Variants in TRAPPC9 observed in about 807,000 individuals in gnomAD.
The protein encoded by TRAPPC9 is trafficking protein particle complex subunit 9.
Under a neutral mutation model 124.0 loss-of-function variants are expected in TRAPPC9, and 83 were observed. The ratio of observed to expected loss-of-function variants is 0.67; its 90% CI spans 0.56 to 0.80. The LOEUF is 0.80. Ranked by LOEUF, TRAPPC9 falls within the 30% of genes least tolerant of loss-of-function variation. TRAPPC9 has a pLI of 0.00. For missense variants in TRAPPC9, 1,302 were observed against 1,508.3 expected (o/e 0.86, Z 2.27); for synonymous variants, 638 against 617.5 (o/e 1.03, Z -0.49).
At chr8:140,169,807 T>C (rs550870343) in intron 17 of TRAPPC9, among the ~76,000 whole-genome samples, 23 of 151,916 alleles carry the variant, frequency 1.5e-4, no homozygotes, top group Non-Finnish European at 2.9e-4. Flanking sequence ...TCCTTTTCGG[T>C]TGAAGCTGTA....
rs188813747 is a variant in TRAPPC9 at position 140,156,348 on chromosome 8, T to G, written c.2556+65111A>C. Among the ~76,000 whole-genome samples, 21 of 152,314 alleles carry G rather than the reference T, an allele frequency of 1.4e-4. No homozygotes were observed. In the East Asian group the frequency reaches 1.5e-3, roughly 11 times the overall value. ...ATCATTTAACATCTTAAAGCCTCAG[T>G]TTCTGCTCTGAAAAGTGAAAATAAT... On this transcript the variant is annotated intron_variant, in intron 17 of 22. Transcript: ENST00000438773.
At chr8:140,132,554 T>C (rs1252548872) in intron 17 of TRAPPC9, among the ~76,000 whole-genome samples, 1 of 152,134 alleles carries the variant, frequency 6.6e-6, no homozygotes, top group African/African-American at 2.4e-5. Context: ...AACGCAGAGC[T>C]TGACACAAAC....
At position 139,749,323 on chromosome 8, in the gene TRAPPC9, C is replaced by T. The variant is rs371956809; in HGVS notation, c.3056-17121G>A. ...TCCTGAGCTCCTGGGGGACCTCTGC[C>T]ATATGAATGGACAGACGATAAGATG... is the stretch of plus-strand genomic sequence containing the variant. On this transcript the variant is annotated intron_variant, in intron 21 of 22. Transcript: ENST00000438773. Among the ~76,000 whole-genome samples the T allele has an allele frequency of 2.6e-4, 40 of 152,302 alleles. No individual in the cohort carries two copies. In the East Asian group the frequency reaches 7.5e-3, roughly 29 times the overall value.
At chr8:140,051,744 C>G (rs73725378) in intron 17 of TRAPPC9, among the ~76,000 whole-genome samples, 3 of 152,020 alleles carry the variant, frequency 2.0e-5, no homozygotes, top group South Asian at 4.2e-4. Flanking sequence ...GCTGCTCCCC[C>G]ACGTAGGACA....
chr8:140,173,867 T>C (rs1016818625), intron 17 of TRAPPC9, among the ~76,000 whole-genome samples: 7 of 152,214 alleles, frequency 4.6e-5, no homozygotes, highest in Non-Finnish European at 1.0e-4. Context: ...CTCCACCTGC[T>C]CACTAGTACG....
intron 16 of TRAPPC9, among the ~76,000 whole-genome samples, chr8:140,235,462 C>T (rs924769386): frequency 6.6e-6 from 1 of 152,030 alleles, no homozygotes; most frequent in South Asian, 2.1e-4. Context: ...AGGTAAATAA[C>T]CCAATAAAAA....
intron 9 of TRAPPC9, among the ~76,000 whole-genome samples, chr8:140,345,407 G>A (rs1366547062): frequency 6.6e-6 from 1 of 152,198 alleles, no homozygotes; most frequent in East Asian, 1.9e-4. Context: ...GGACTGCTTG[G>A]AAGTAGCAAC....
At chr8:140,148,319 C>T (rs1465401875) in intron 17 of TRAPPC9, among the ~76,000 whole-genome samples, 1 of 152,176 alleles carries the variant, frequency 6.6e-6, no homozygotes, top group Non-Finnish European at 1.5e-5. Flanking sequence ...GGGAGTAAAC[C>T]ACATTTCACC....
intron 19 of TRAPPC9, among the ~76,000 whole-genome samples, chr8:139,982,283 G>A (rs1194714059): frequency 6.6e-6 from 1 of 152,192 alleles, no homozygotes; most frequent in African/African-American, 2.4e-5. Flanking sequence ...GGGAACCATG[G>A]GCAACTCCCA....
At chr8:139,943,650 A>G (rs1834040375) in intron 19 of TRAPPC9, among the ~76,000 whole-genome samples, 4 of 152,356 alleles carry the variant, frequency 2.6e-5, no homozygotes, top group Admixed American at 2.6e-4. Context: ...ACTCCAGAAC[A>G]TTATTGAAAA....
At chr8:140,309,090 C>T (rs932697424) in intron 10 of TRAPPC9, among the ~76,000 whole-genome samples, 7 of 152,164 alleles carry the variant, frequency 4.6e-5, no homozygotes, top group African/African-American at 1.7e-4. Context: ...TAGACTGTTA[C>T]ACTTTCACCC....
chr8:139,862,148 TC>T (rs1192825983), intron 21 of TRAPPC9, among the ~76,000 whole-genome samples: 5 of 152,228 alleles, frequency 3.3e-5, no homozygotes, highest in African/African-American at 1.2e-4. Context: ...AAGGTCATGG[TC>T]ACTGAGCAAA....
rs563322909 is a variant in TRAPPC9 at position 139,955,204 on chromosome 8, C to T, written c.2810+33522G>A. 2.0e-5 allele frequency among the ~76,000 whole-genome samples: 3 copies of T among 152,254 alleles called. No homozygotes were observed. The South Asian group carries it at 6.2e-4, about 32-fold the overall frequency. ...CGGCACCATCTGACCACCTCCTACC[C>T]TCACCTCCCCGTTTCTGGTAACAGT... On this transcript the variant is annotated intron_variant, in intron 19 of 22. Coordinates refer to ENST00000438773, the MANE Select transcript of TRAPPC9 (RefSeq NM_001160372.4).
chr8:140,318,623 A>G (rs12542084), intron 9 of TRAPPC9, among the ~76,000 whole-genome samples: 99,743 of 152,144 alleles, frequency 0.66, 33,164 homozygotes, highest in African/African-American at 0.78. Flanking sequence ...GAGAACATAC[A>G]GTATTTGTCT....
intron 17 of TRAPPC9, among the ~76,000 whole-genome samples, chr8:140,203,782 G>A (rs1490687449): frequency 1.3e-5 from 2 of 152,212 alleles, no homozygotes; most frequent in Admixed American, 1.3e-4. Flanking sequence ...TCATCTAAGA[G>A]TCCTTTCTAA....
At chr8:140,322,083 T>TG (rs975744944) in intron 9 of TRAPPC9, among the ~76,000 whole-genome samples, 5 of 152,160 alleles carry the variant, frequency 3.3e-5, no homozygotes, top group African/African-American at 1.2e-4. Context: ...TGTGGAAGGC[T>TG]GGGGGCAGGA....
Position 140,109,333 on chromosome 8 carries a change from T to C in TRAPPC9, c.2557-85254A>G, listed in dbSNP as rs1294107301. 2.6e-5 allele frequency among the ~76,000 whole-genome samples: 4 copies of C among 152,110 alleles called. No homozygotes were observed. The East Asian group carries it at 7.7e-4, about 29-fold the overall frequency. On this transcript the variant is annotated intron_variant, in intron 17 of 22. Transcript: ENST00000438773. ...GGCCTGTCTCAGACAAACTGGGGCA[T>C]AGGGCACTCTGGTAATAACCAGCAG...
At chr8:139,748,500 G>A (rs1217614108) in intron 21 of TRAPPC9, among the ~76,000 whole-genome samples, 2 of 149,528 alleles carry the variant, frequency 1.3e-5, no homozygotes, top group Non-Finnish European at 3.0e-5. Flanking sequence ...AGGTAGGGGG[G>A]GCATACAGGG....
intron 17 of TRAPPC9, among the ~76,000 whole-genome samples, chr8:140,119,377 T>G (rs2130592676): frequency 6.6e-6 from 1 of 152,262 alleles, no homozygotes; most frequent in East Asian, 1.9e-4. Flanking sequence ...AAGCAGTTCC[T>G]CCCAACCCCC....
Sources: gnomAD v4.1 joint callset for allele counts (sites outside exome capture counted in the v4.1 genomes callset) on GRCh38, gnomAD v4.1.1 for gene constraint, MANE v1.5 for transcripts, NCBI Gene and HGNC (gene_info 2026-07-23, HGNC 2026-07-21) for gene names.